FAM149A: variants seen among roughly 807,000 people sequenced by gnomAD.
FAM149A encodes family with sequence similarity 149 member A.
FAM149A carries 71 observed loss-of-function variants against 78.2 expected under a neutral mutation model. The observed-to-expected ratio is 0.91, with a 90% confidence interval of 0.75 to 1.11. The LOEUF (loss-of-function observed/expected upper bound fraction) is 1.11, where lower values mean the gene tolerates loss of function less well. Ranked by LOEUF, FAM149A falls within the 50% of genes least tolerant of loss-of-function variation. FAM149A has a pLI of 0.00. For missense variants in FAM149A, 1,036 were observed against 971.0 expected (o/e 1.07, Z -0.89); for synonymous variants, 446 against 410.5 (o/e 1.09, Z -1.04).
At chr4:186,162,810 C>CTTTTTTTTTTTTTTTTT (rs56973296) in intron 8 of FAM149A, 35 bp from the exon 9 acceptor site, 11 of 563,116 alleles carry the variant, frequency 2.0e-5, no homozygotes, top group Admixed American at 3.1e-5. Context: ...ATTTGTAATT[C>CTTTTTTTTTTTTTTTTT]TTTTTTTTTT....
At chr4:186,117,755 T>C (rs1253845610) in intron 1 of FAM149A, 2 of 855,754 alleles carry the variant, frequency 2.3e-6, no homozygotes, top group African/African-American at 1.8e-5. Context: ...GGCTGCACTT[T>C]AGGAGGGTTG....
rs7436817 is a variant in FAM149A at position 186,140,048 on chromosome 4, A to T, written c.567-9125A>T. On this transcript the variant is annotated intron_variant, in intron 1 of 13. Coordinates refer to ENST00000389354, the MANE Select transcript of FAM149A (RefSeq NM_001367768.3). ...AATTTACAATTTATTATGTATCTAT[A>T]TGCAGTTTCCAAAATTTGTCTCTAA... 9.8e-3 allele frequency among the ~76,000 whole-genome samples: 1,487 copies of T among 152,336 alleles called. 32 individuals carry two copies. The highest frequency in any genetic ancestry group is 0.052 in the Admixed American group (793 of 15,298).
At position 186,136,994 on chromosome 4, in the gene FAM149A, C is replaced by T. The variant is rs982245233; in HGVS notation, c.567-12179C>T. On this transcript the variant is annotated intron_variant, in intron 1 of 13. Coordinates refer to ENST00000389354, the MANE Select transcript of FAM149A (RefSeq NM_001367768.3). ...TCTCTCTTTCTCTCTCTCTCTCTCT[C>T]TCTCTCTCTCTCTCTCTCTCTCTCT... is the stretch of plus-strand genomic sequence containing the variant. Among the ~76,000 whole-genome samples, 699 of 136,398 alleles carry T rather than the reference C, an allele frequency of 5.1e-3. 16 individuals carry two copies. The highest frequency in any genetic ancestry group is 0.013 in the African/African-American group (502 of 37,498). 89.5% of individuals were successfully genotyped at this position (136,398 alleles called of 152,430 possible). A position where few individuals can be genotyped will look rare whatever the true frequency, so the allele number is the denominator to read the frequency against.
intron 9 of FAM149A, 31 bp from the exon 10 acceptor site, chr4:186,163,393 A>T (rs1238183634): frequency 6.3e-7 from 1 of 1,577,742 alleles, no homozygotes; most frequent in Non-Finnish European, 8.7e-7. Flanking sequence ...CAGCACTCGC[A>T]GCTGAGTAGC....
intron 1 of FAM149A, chr4:186,126,837 CT>C: frequency 1.0e-6 from 1 of 958,818 alleles, no homozygotes; most frequent in African/African-American, 1.8e-5. Flanking sequence ...GTCTCTGTAT[CT>C]TATTGGTTCT....
intron 1 of FAM149A, chr4:186,123,637 TG>T (rs1486834576): frequency 9.3e-6 from 2 of 215,110 alleles, no homozygotes; most frequent in Non-Finnish European, 1.6e-5. Flanking sequence ...ACTTTCCCTC[TG>T]GGAAGTGGGG....
intron 1 of FAM149A, chr4:186,145,110 C>T: frequency 1.0e-6 from 1 of 985,596 alleles, no homozygotes; most frequent in Non-Finnish European, 1.2e-6. Context: ...TGATCGTAAT[C>T]GGGTGAGTCT....
intron 5 of FAM149A, 68 bp from the exon 6 acceptor site, chr4:186,154,400 T>C: frequency 2.3e-6 from 3 of 1,316,922 alleles, no homozygotes; most frequent in Non-Finnish European, 2.1e-6. Flanking sequence ...AGATCCGCCA[T>C]GATCGTTTAA....
chr4:186,172,708 A>G lies in FAM149A; in HGVS notation c.*721A>G, dbSNP rs1454608103. 8.9e-6 allele frequency: 1 copy of G among 111,830 alleles called. No individual in the cohort carries two copies. Among genetic ancestry groups the G allele is most frequent in the Non-Finnish European group, 2.3e-5 (1 of 44,212 alleles). 6.9% of individuals were successfully genotyped at this position (111,830 alleles called of 1,614,324 possible). ...TATTGTTTACAGTCGAAGCTCCTCCATGGGAGGGGAGCCTCCCACCCTCCA... is the reference window on the plus strand; with the variant it reads ...TATTGTTTACAGTCGAAGCTCCTCCGTGGGAGGGGAGCCTCCCACCCTCCA... On this transcript the variant is annotated 3_prime_UTR_variant, in exon 14 of 14. Coordinates refer to ENST00000389354, the MANE Select transcript of FAM149A (RefSeq NM_001367768.3).
chr4:186,130,943 C>G (rs1366754427), intron 1 of FAM149A, among the ~76,000 whole-genome samples: 1 of 152,100 alleles, frequency 6.6e-6, no homozygotes, highest in Non-Finnish European at 1.5e-5. Flanking sequence ...GTGCCTTTCC[C>G]CCAAGTTCCT....
chr4:186,138,247 G>GTA (rs2126399107), intron 1 of FAM149A, among the ~76,000 whole-genome samples: 1 of 151,576 alleles, frequency 6.6e-6, no homozygotes, highest in Non-Finnish European at 1.5e-5. Flanking sequence ...GTGAGTGAGT[G>GTA]TGTGTGTGTG....
intron 13 of FAM149A, 173 bp downstream of exon 13, chr4:186,167,435 C>G: frequency 1.5e-6 from 1 of 689,072 alleles, no homozygotes; most frequent in Non-Finnish European, 2.7e-6. Context: ...AGCACACCTG[C>G]AGAGACTTAC....
intron 8 of FAM149A, among the ~76,000 whole-genome samples, chr4:186,159,064 T>C (rs74814362): frequency 0.036 from 5,430 of 152,258 alleles, 329 homozygotes; most frequent in African/African-American, 0.12. Flanking sequence ...CGAGCTAGTT[T>C]GAAAATTATA....
chr4:186,115,376 A>C (rs1382825797), intron 1 of FAM149A, among the ~76,000 whole-genome samples: 1 of 149,428 alleles, frequency 6.7e-6, no homozygotes, highest in Admixed American at 6.7e-5. Context: ...TGATCTTCTG[A>C]AGCCGCCTTC....
chr4:186,155,250 G>A (rs996955308), intron 6 of FAM149A, among the ~76,000 whole-genome samples: 18 of 152,220 alleles, frequency 1.2e-4, no homozygotes, highest in African/African-American at 3.9e-4. Flanking sequence ...ACAGGCGTGA[G>A]CCACTGTGCC....
At chr4:186,116,390 G>C (rs1268900604) in intron 1 of FAM149A, 1 of 857,764 alleles carries the variant, frequency 1.2e-6, no homozygotes, top group Non-Finnish European at 1.4e-6. Context: ...GACCGGAGCT[G>C]TTCCTATTTG....
At position 186,120,361 on chromosome 4, in the gene FAM149A, C is replaced by T. The variant is rs375158781; in HGVS notation, c.566+14719C>T. On this transcript the variant is annotated intron_variant, in intron 1 of 13. Transcript: ENST00000389354. ...CCTGGAAATCAATCTATATCTTCCA[C>T]ACATAGGTATAACCAGGTATTTTTA... Among the ~76,000 whole-genome samples, 25 of 152,248 alleles carry T rather than the reference C, an allele frequency of 1.6e-4. 1 individual carries two copies. The South Asian group carries it at 3.3e-3, about 20-fold the overall frequency.
At chr4:186,127,229 T>A (rs1214206302) in intron 1 of FAM149A, 1 of 966,226 alleles carries the variant, frequency 1.0e-6, no homozygotes, top group Non-Finnish European at 1.2e-6. Flanking sequence ...GAGGAACTAT[T>A]TTCACCCTGC....
At chr4:186,110,328 G>A in intron 1 of FAM149A, 1 of 984,620 alleles carries the variant, frequency 1.0e-6, no homozygotes, top group Non-Finnish European at 1.2e-6. Flanking sequence ...CTTGCTGCTG[G>A]GACTTAGCAT....
Sources: allele counts gnomAD v4.1 joint callset (sites outside exome capture counted in the v4.1 genomes callset), GRCh38; gene constraint gnomAD v4.1.1; transcripts MANE v1.5; gene names NCBI Gene and HGNC (gene_info 2026-07-23, HGNC 2026-07-21).